The following ACOT7 variants were observed in gnomAD, a reference collection of about 807,000 sequenced individuals.
The protein encoded by ACOT7 is cytosolic acyl coenzyme A thioester hydrolase.
In ACOT7, 12 loss-of-function variants were observed where a neutral mutation model predicts 40.2. The observed-to-expected ratio is 0.30, with a 90% CI of 0.19 to 0.48. ACOT7 has a LOEUF of 0.48. ACOT7 is among the 20% of genes least tolerant of loss of function. The pLI, the probability that ACOT7 is intolerant of heterozygous loss-of-function variation, is 0.99. For synonymous variants in ACOT7, 228 were observed against 219.5 expected, an observed-to-expected ratio of 1.04 and a Z score of -0.34; for missense variants, 395 against 530.8, an observed-to-expected ratio of 0.74 and a Z score of 2.51.
At chr1:6,271,031 C>A (rs1172649886) in intron 8 of ACOT7, among the ~76,000 whole-genome samples, 1 of 152,196 alleles carries the variant, frequency 6.6e-6, no homozygotes, top group Non-Finnish European at 1.5e-5. Context: ...CCCCTGGCTC[C>A]CCTGCAGCCT....
chr1:6,346,866 G>A (rs1355096444), intron 2 of ACOT7, among the ~76,000 whole-genome samples: 1 of 152,180 alleles, frequency 6.6e-6, no homozygotes, highest in Non-Finnish European at 1.5e-5. Flanking sequence ...ATGAGTTTGG[G>A]AGGGAGAGAG....
At chr1:6,369,188 C>T (rs1642078687) in intron 1 of ACOT7, among the ~76,000 whole-genome samples, 1 of 151,786 alleles carries the variant, frequency 6.6e-6, no homozygotes, top group South Asian at 2.1e-4. Context: ...ACCATGTTGG[C>T]CAGGCTGGTC....
intron 8 of ACOT7, among the ~76,000 whole-genome samples, chr1:6,270,441 T>C (rs1638997572): frequency 6.6e-6 from 1 of 152,156 alleles, no homozygotes; most frequent in South Asian, 2.1e-4. Context: ...CACCCACCTG[T>C]GGCCTCAGGC....
At chr1:6,346,401 A>G (rs1393440160) in intron 2 of ACOT7, among the ~76,000 whole-genome samples, 1 of 152,180 alleles carries the variant, frequency 6.6e-6, no homozygotes, top group African/African-American at 2.4e-5. Flanking sequence ...AGAGCCTAGA[A>G]GAGGAGAGGG....
intron 5 of ACOT7, among the ~76,000 whole-genome samples, chr1:6,321,377 G>A (rs940396628): frequency 2.0e-5 from 3 of 152,134 alleles, no homozygotes; most frequent in Admixed American, 6.5e-5. Flanking sequence ...CACACCCAAC[G>A]TTCTTTCCAA....
chr1:6,373,392 G>A (rs183783855), intron 1 of ACOT7, among the ~76,000 whole-genome samples: 203 of 152,126 alleles, frequency 1.3e-3, no homozygotes, highest in Non-Finnish European at 2.5e-3. Context: ...CTGTGACTAC[G>A]GCACATGCCA....
chr1:6,323,737 AAT>A (rs57302929), intron 5 of ACOT7, among the ~76,000 whole-genome samples: 478 of 38,420 alleles, frequency 0.012, 7 homozygotes, highest in South Asian at 0.041. Context: ...AAAAAAAAAA[AAT>A]ATATATATAT....
At chr1:6,315,578 C>T (rs940581036) in intron 6 of ACOT7, among the ~76,000 whole-genome samples, 2 of 151,762 alleles carry the variant, frequency 1.3e-5, no homozygotes, top group Non-Finnish European at 2.9e-5. Context: ...GCTGAAAACC[C>T]GTCTCTACTA....
chr1:6,387,032 C>T (rs994318882), intron 1 of ACOT7, among the ~76,000 whole-genome samples: 3 of 152,170 alleles, frequency 2.0e-5, no homozygotes, highest in African/African-American at 7.2e-5. Flanking sequence ...TGAAGAGAAA[C>T]TGCAGTGTGC....
chr1:6,290,172 A>G (rs1487835033), intron 7 of ACOT7, among the ~76,000 whole-genome samples: 1 of 152,216 alleles, frequency 6.6e-6, no homozygotes, highest in Non-Finnish European at 1.5e-5. Flanking sequence ...GACGCTGGGA[A>G]AGGCGAGACA....
chr1:6,297,724 G>A (rs1188797818), intron 6 of ACOT7, among the ~76,000 whole-genome samples: 2 of 152,218 alleles, frequency 1.3e-5, no homozygotes, highest in Admixed American at 6.5e-5. Context: ...ATGTGATAGC[G>A]CTATTGTGGG....
chr1:6,305,194 G>A (rs543794226), intron 6 of ACOT7, among the ~76,000 whole-genome samples: 4 of 149,596 alleles, frequency 2.7e-5, no homozygotes, highest in Admixed American at 6.6e-5. Flanking sequence ...CTGGCCGGGC[G>A]GGGGGCTGTC....
chr1:6,295,041 C>G, intron 6 of ACOT7, 61 bp from the exon 7 acceptor site: 1 of 1,367,644 alleles, frequency 7.3e-7, no homozygotes, highest in Non-Finnish European at 1.0e-6. Context: ...ATTTCACACC[C>G]TGGAAACAAG....
intron 1 of ACOT7, among the ~76,000 whole-genome samples, chr1:6,381,270 T>TATATGAAC (rs1448593970): frequency 3.3e-5 from 5 of 151,868 alleles, no homozygotes; most frequent in African/African-American, 4.8e-5. Context: ...TATATACACC[T>TATATGAAC]ATACATGTCT....
chr1:6,330,438 A>G lies in ACOT7; in HGVS notation c.511-3025T>C, dbSNP rs1042484518. On this transcript the variant is annotated intron_variant, in intron 4 of 8. Coordinates refer to ENST00000361521, the MANE Select transcript of ACOT7 (RefSeq NM_007274.4). The surrounding 1 kb of genome is among the most constrained non-coding windows in gnomAD (Gnocchi z 4.6). ...CGTGTGTTGGGGGGAAGATGGTGCAAAGAGCTCTGAACAACAGCTGCAGCT... is the reference window on the plus strand; with the variant it reads ...CGTGTGTTGGGGGGAAGATGGTGCAGAGAGCTCTGAACAACAGCTGCAGCT... 3.3e-5 allele frequency among the ~76,000 whole-genome samples: 5 copies of G among 152,162 alleles called. No individual in the cohort carries two copies. The East Asian group carries it at 9.6e-4, about 29-fold the overall frequency.
In ACOT7 at chr1:6,306,675, T is replaced by C; in HGVS notation, c.713-11695A>G. 4 of 985,402 alleles carry C rather than the reference T, an allele frequency of 4.1e-6. No individual in the cohort carries two copies. The South Asian group carries it at 1.9e-4, about 46-fold the overall frequency. The allele number at this position is 985,402 out of a possible 1,614,324, so 61.0% of individuals were successfully genotyped here. A position where few individuals can be genotyped will look rare whatever the true frequency, so the allele number is the denominator to read the frequency against. ...AGAAAGCGGCGTCCCAAAGCATTTG[T>C]TTGTTCACCTCTTGATCCCCCTAGA... On this transcript the variant is annotated intron_variant, in intron 6 of 8. Coordinates refer to ENST00000361521, the MANE Select transcript of ACOT7 (RefSeq NM_007274.4). The surrounding 1 kb of genome is among the most constrained non-coding windows in gnomAD (Gnocchi z 4.3).
chr1:6,280,173 CTCCCAGCT>C (rs1397044853), intron 8 of ACOT7, among the ~76,000 whole-genome samples: 1 of 152,248 alleles, frequency 6.6e-6, no homozygotes, highest in Non-Finnish European at 1.5e-5. Context: ...CACCCGCCTG[CTCCCAGCT>C]GCTCTGTTCC....
In ACOT7 at chr1:6,349,861, A is replaced by G. The variant is rs762286520; in HGVS notation, c.149T>C (p.Met50Thr). The G allele has an allele frequency of 2.5e-6, 4 of 1,614,058 alleles. No individual in the cohort carries two copies. The highest frequency in any genetic ancestry group is 3.4e-6 in the Non-Finnish European group (4 of 1,179,992). Residue 50 changes from methionine to threonine, a missense_variant, in exon 2 of 9, where the codon ATG becomes ACG. By Grantham distance (81) the Met-to-Thr change is moderately conservative. Around this residue, in one of 2 missense-constraint regions of ACOT7, gnomAD observed 309 missense variants for 470.3 expected, o/e 0.66. Transcript: ENST00000361521. ...TPSAIQICRI[M>T]RPDDANVAGN... is the part of the protein sequence containing the mutation. ...GGCCACGTTGGCATCATCTGGCCGC[A>G]TGATCCTAGGGCAGAGGAGAAGCAG...
chr1:6,283,757 C>T (rs933503877), intron 7 of ACOT7, among the ~76,000 whole-genome samples: 12 of 152,182 alleles, frequency 7.9e-5, no homozygotes, highest in Non-Finnish European at 1.6e-4. Context: ...GAATTTTCAC[C>T]CTTCAGAGAG....
Sources: gnomAD v4.1 joint callset for allele counts (sites outside exome capture counted in the v4.1 genomes callset) on GRCh38, gnomAD v4.1.1 for gene constraint, gnomAD v4.1.1 regional missense constraint, Gnocchi (gnomAD v3.1) non-coding constraint, MANE v1.5 for transcripts, NCBI Gene and HGNC (gene_info 2026-07-23, HGNC 2026-07-21) for gene names.